SLC38A8: variants seen among roughly 807,000 people sequenced by gnomAD.
SLC38A8 encodes the protein solute carrier family 38 member 8.
SLC38A8 carries 65 observed loss-of-function variants against 46.0 expected under a neutral mutation model. The ratio of observed to expected loss-of-function variants is 1.41; its 90% CI spans 1.16 to 1.74. The LOEUF is 1.74. Among genes scored for constraint, SLC38A8 ranks in the 40% most tolerant of loss-of-function variants. The pLI is 0.00. For missense variants in SLC38A8, 998 were observed against 567.9 expected, an observed-to-expected ratio of 1.76 and a Z score of -7.70; for synonymous variants, 447 against 243.7, an observed-to-expected ratio of 1.83 and a Z score of -7.77.
At chr16:84,012,797 G>A (rs11864124) in intron 10 of SLC38A8, among the ~76,000 whole-genome samples, 1 of 151,988 alleles carries the variant, frequency 6.6e-6, no homozygotes. Flanking sequence ...AAGGCCCTTG[G>A]AGGACCCGGT....
Position 84,028,530 on chromosome 16 carries a change from C to G in SLC38A8, c.690+964G>C, listed in dbSNP as rs891514616. On this transcript the variant is annotated intron_variant, in intron 6 of 10. Coordinates refer to ENST00000299709, the MANE Select transcript of SLC38A8 (RefSeq NM_001080442.3). ...GCAGTGAGCTGAGATCCACTACACT[C>G]CAGCCTGGGCAATAAGAATGAGACT... Among the ~76,000 whole-genome samples the G allele has an allele frequency of 2.6e-5, 4 of 151,074 alleles. No homozygotes were observed. In the East Asian group the frequency reaches 7.8e-4, roughly 29 times the overall value.
At chr16:84,037,166 T>A (rs1379429159) in intron 2 of SLC38A8, among the ~76,000 whole-genome samples, 5 of 152,334 alleles carry the variant, frequency 3.3e-5, no homozygotes, top group Admixed American at 3.3e-4. Flanking sequence ...GACACCATCC[T>A]GCCCCAGTGG....
chr16:84,019,552 T>A (rs1305135807), intron 7 of SLC38A8, among the ~76,000 whole-genome samples: 1 of 152,100 alleles, frequency 6.6e-6, no homozygotes, highest in African/African-American at 2.4e-5. Flanking sequence ...CAACAAGAGT[T>A]TTGGAGGGGA....
At position 84,016,677 on chromosome 16, in the gene SLC38A8, G is replaced by T; in HGVS notation, c.1004C>A (p.Pro335His). 1 of 1,613,504 alleles carries T rather than the reference G, an allele frequency of 6.2e-7. No individual in the cohort carries two copies. Among genetic ancestry groups the T allele is most frequent in the Non-Finnish European group, 8.5e-7 (1 of 1,179,990 alleles). The change falls in exon 9 of 11, where the codon CCC (proline) becomes CAC (histidine). Residue 335 changes from proline (P) to histidine (H), a missense_variant. Coordinates refer to ENST00000299709, the MANE Select transcript of SLC38A8 (RefSeq NM_001080442.3). ...WRRSCLGGWGPSALADPSGLW... is the reference protein window; with the variant it reads ...WRRSCLGGWGHSALADPSGLW... Reference sequence around the variant, plus strand: ...CCCTGAGGGGTCGGCCAGGGCGCTGGGCCCCCATCCCCCCAAGCAGCTCCT... The same window carrying T: ...CCCTGAGGGGTCGGCCAGGGCGCTGTGCCCCCATCCCCCCAAGCAGCTCCT...
Position 84,033,328 on chromosome 16 carries a change from C to T in SLC38A8, c.530G>A (p.Ser177Asn), listed in dbSNP as rs1342291825. The change falls in exon 4 of 11, where the codon AGC becomes AAC. Residue 177 changes from serine (S) to asparagine (N), a missense_variant and splice_region_variant. Physicochemically the swap from Ser to Asn is conservative, Grantham distance 46 (BLOSUM62 1). Coordinates refer to ENST00000299709, the MANE Select transcript of SLC38A8 (RefSeq NM_001080442.3). ...CACCAGGCAGCATCCCAGCCCTTAC[C>T]TTGTGTATTTCTGGAAGGCGATCTC... is the stretch of plus-strand genomic sequence containing the variant. ...PREIAFQKYT[S>N]ILGTLAACYL... 6 of 1,613,938 alleles carry T rather than the reference C, an allele frequency of 3.7e-6. No homozygotes were observed. The African/African-American group carries it at 4.0e-5, about 11-fold the overall frequency.
Position 84,009,712 on chromosome 16 carries a change from T to G in SLC38A8, c.*72A>C, listed in dbSNP as rs2084932355. On this transcript the variant is annotated 3_prime_UTR_variant, in exon 11 of 11. Transcript: ENST00000299709. ...ATGAGGAAAAGAAATGGCATCGGTC[T>G]CCTGGCTGCATACAGCAGCCACGTA... 6.9e-6 allele frequency: 9 copies of G among 1,309,338 alleles called. No homozygotes were observed. The South Asian group carries it at 1.2e-4, about 17-fold the overall frequency. The allele number at this position is 1,309,338 out of a possible 1,614,324, so 81.1% of individuals were successfully genotyped here.
intron 8 of SLC38A8, 87 bp from the exon 9 acceptor site, chr16:84,016,814 C>T: frequency 7.3e-7 from 1 of 1,375,680 alleles, no homozygotes; most frequent in Non-Finnish European, 9.9e-7. Context: ...TCCAGGAGTC[C>T]CCTCACACCT....
chr16:84,041,912 C>A (rs998581865), intron 2 of SLC38A8, 57 bp downstream of exon 2: 2 of 1,486,710 alleles, frequency 1.3e-6, no homozygotes, highest in Non-Finnish European at 1.8e-6. Flanking sequence ...GAACCCCACC[C>A]AGAAAAGCCA....
intron 6 of SLC38A8, among the ~76,000 whole-genome samples, chr16:84,027,009 G>C (rs1218469300): frequency 1.3e-5 from 2 of 152,196 alleles, no homozygotes; most frequent in Admixed American, 6.5e-5. Flanking sequence ...CTTCAGAAGG[G>C]TGAATGGCAC....
At position 84,024,011 on chromosome 16, in the gene SLC38A8, G is replaced by A. The variant is rs150265939; in HGVS notation, c.691-1122C>T. ...AGCCTTGACACGATTGATGTCTGGT[G>A]TGGGTTAACTCTTGGCAGCCGCCCT... On this transcript the variant is annotated intron_variant, in intron 6 of 10. Coordinates refer to ENST00000299709, the MANE Select transcript of SLC38A8 (RefSeq NM_001080442.3). 8.3e-4 allele frequency among the ~76,000 whole-genome samples: 127 copies of A among 152,352 alleles called. 4 individuals carry two copies. In the East Asian group the frequency reaches 0.021, roughly 26 times the overall value.
intron 7 of SLC38A8, among the ~76,000 whole-genome samples, chr16:84,022,284 A>T (rs1023943251): frequency 1.3e-5 from 2 of 152,176 alleles, no homozygotes; most frequent in Non-Finnish European, 2.9e-5. Flanking sequence ...TGTCCTTCCA[A>T]TGCACTGTAC....
At chr16:84,029,633 G>A in intron 5 of SLC38A8, 82 bp from the exon 6 acceptor site, 5 of 1,370,476 alleles carry the variant, frequency 3.6e-6, no homozygotes, top group African/African-American at 1.4e-5. Flanking sequence ...AATTTTAAAG[G>A]ATGCTGGGAA....
At chr16:84,018,690 C>G (rs1002446949) in intron 7 of SLC38A8, among the ~76,000 whole-genome samples, 4 of 152,156 alleles carry the variant, frequency 2.6e-5, no homozygotes, top group Non-Finnish European at 5.9e-5. Flanking sequence ...GGAGAAAAGC[C>G]TACGGATCTT....
Position 84,033,484 on chromosome 16 carries a change from G to C in SLC38A8, c.389-15C>G. On this transcript the variant is annotated splice_polypyrimidine_tract_variant and intron_variant, in intron 3 of 10. Transcript: ENST00000299709. ...GGAGTCACACACTGCCAGAGACACG[G>C]GGAGAGCTGAGCCACAGAGTACAAA... is the stretch of plus-strand genomic sequence containing the variant. 3 of 1,585,110 alleles carry C rather than the reference G, an allele frequency of 1.9e-6. No individual in the cohort carries two copies. The highest frequency in any genetic ancestry group is 1.7e-6 in the Non-Finnish European group (2 of 1,166,434).
At chr16:84,021,078 G>A (rs573763323) in intron 7 of SLC38A8, among the ~76,000 whole-genome samples, 73 of 152,102 alleles carry the variant, frequency 4.8e-4, no homozygotes, top group Admixed American at 4.6e-4. Flanking sequence ...GGCAGGGGAG[G>A]GATGACAGAG....
chr16:84,016,779 C>G (rs769764695), intron 8 of SLC38A8, 52 bp from the exon 9 acceptor site: 5 of 1,566,844 alleles, frequency 3.2e-6, no homozygotes, highest in Non-Finnish European at 3.5e-6. Context: ...GCACCAGCCT[C>G]CACCCGACAG....
chr16:84,031,372 C>A (rs762727660), intron 5 of SLC38A8, among the ~76,000 whole-genome samples: 1 of 152,168 alleles, frequency 6.6e-6, no homozygotes, highest in Non-Finnish European at 1.5e-5. Context: ...CAAATCCTGT[C>A]ACATCCCTGC....
In SLC38A8 at chr16:84,017,207, T is replaced by A. The variant is rs774672988; in HGVS notation, c.886A>T (p.Ile296Phe). The change falls in exon 8 of 11, where the codon ATT (isoleucine) becomes TTT (phenylalanine). Residue 296 changes from isoleucine to phenylalanine, a missense_variant. Ile to Phe is a conservative substitution (Grantham distance 21). Transcript: ENST00000299709. ...ACAGCAAAAAGGACCCGGGCCACAA[T>A]GATGACCATATCATTGCCTGGGTAG... ...MSYPGNDMVI[I>F]VARVLFAVSI... 25 of 1,613,866 alleles carry A rather than the reference T, an allele frequency of 1.5e-5. No individual in the cohort carries two copies. Among genetic ancestry groups the A allele is most frequent in the Non-Finnish European group, 3.4e-6 (4 of 1,180,012 alleles).
intron 8 of SLC38A8, 46 bp from the exon 9 acceptor site, chr16:84,016,773 C>A (rs747189959): frequency 6.3e-7 from 1 of 1,578,046 alleles, no homozygotes; most frequent in Non-Finnish European, 8.6e-7. Context: ...TCAGGGGCAC[C>A]AGCCTCCACC....
Sources: gnomAD v4.1 joint callset for allele counts (sites outside exome capture counted in the v4.1 genomes callset) on GRCh38, gnomAD v4.1.1 for gene constraint, MANE v1.5 for transcripts, NCBI Gene and HGNC (gene_info 2026-07-23, HGNC 2026-07-21) for gene names.